Variants in CPLX1 observed in about 807,000 individuals in gnomAD.
CPLX1 encodes the protein complexin-1.
CPLX1 carries 6 observed loss-of-function variants against 15.6 expected under a neutral mutation model. That is an observed-to-expected ratio of 0.39 (90% CI 0.21 to 0.76). The LOEUF (loss-of-function observed/expected upper bound fraction) is 0.76. Among genes scored for constraint, CPLX1 ranks in the 30% least tolerant of loss-of-function variants. The pLI is 0.43. For synonymous variants in CPLX1, 91 were observed against 75.2 expected, an observed-to-expected ratio of 1.21 and a Z score of -1.08; for missense variants, 242 against 188.6, an observed-to-expected ratio of 1.28 and a Z score of -1.66.
chr4:805,436 T>C (rs1746539883), intron 2 of CPLX1, among the ~76,000 whole-genome samples: 1 of 152,098 alleles, frequency 6.6e-6, no homozygotes, highest in Non-Finnish European at 1.5e-5. Flanking sequence ...ACGGCTGTTA[T>C]CAAAAACCAG....
At chr4:814,237 G>A (rs1406801762) in intron 2 of CPLX1, among the ~76,000 whole-genome samples, 1 of 151,522 alleles carries the variant, frequency 6.6e-6, no homozygotes, top group Non-Finnish European at 1.5e-5. Context: ...TTTTTAAGAC[G>A]GAGTCTCGCT....
Position 786,375 on chromosome 4 carries a change from GGGC to G in CPLX1, c.*123_*125del. ...GTGAGGGAGGCGGCGGGCGCGGGCA[GGGC>G]GGGCCTGGGGCTATGGCTTATATCG... On this transcript the variant is annotated 3_prime_UTR_variant, in exon 4 of 4. Coordinates refer to ENST00000304062, the MANE Select transcript of CPLX1 (RefSeq NM_006651.4). 9.2e-7 allele frequency: 1 copy of G among 1,092,390 alleles called. No homozygotes were observed. Among genetic ancestry groups the G allele is most frequent in the Non-Finnish European group, 1.2e-6 (1 of 817,064 alleles). The allele number at this position is 1,092,390 out of a possible 1,614,324, so 67.7% of individuals were successfully genotyped here. A position where few individuals can be genotyped will look rare whatever the true frequency, so the allele number is the denominator to read the frequency against.
At chr4:801,784 C>T (rs1329581944) in intron 2 of CPLX1, among the ~76,000 whole-genome samples, 1 of 152,222 alleles carries the variant, frequency 6.6e-6, no homozygotes, top group African/African-American at 2.4e-5. Flanking sequence ...AAAAGACACA[C>T]GTGGCTGTTA....
chr4:800,183 A>G (rs1746423409), intron 2 of CPLX1, among the ~76,000 whole-genome samples: 1 of 152,158 alleles, frequency 6.6e-6, no homozygotes. Flanking sequence ...ACCTTCATAC[A>G]TTTGGTCACA....
intron 2 of CPLX1, among the ~76,000 whole-genome samples, chr4:818,397 T>C (rs1476879298): frequency 6.6e-6 from 1 of 152,226 alleles, no homozygotes; most frequent in African/African-American, 2.4e-5. Context: ...GAGGCTGACA[T>C]GGTGGCCTCA....
chr4:809,159 C>G (rs535608710), intron 2 of CPLX1, among the ~76,000 whole-genome samples: 1 of 152,240 alleles, frequency 6.6e-6, no homozygotes, highest in Admixed American at 6.5e-5. Flanking sequence ...TATTCAAACA[C>G]GATTATGCTC....
Position 792,426 on chromosome 4 carries a change from C to G in CPLX1, c.207+7G>C, listed in dbSNP as rs751692728. The G allele has an allele frequency of 1.9e-6, 3 of 1,539,980 alleles. No homozygotes were observed. The highest frequency in any genetic ancestry group is 1.7e-6 in the Non-Finnish European group (2 of 1,145,144). On this transcript the variant is annotated splice_region_variant and intron_variant, in intron 3 of 3. Transcript: ENST00000304062. Reference sequence around the variant, plus strand: ...CTTCCCGCAGGCGGGGCCGGCCCGGCGCGCACCTTGTCTCGGATGCCCTGG... The same window carrying G: ...CTTCCCGCAGGCGGGGCCGGCCCGGGGCGCACCTTGTCTCGGATGCCCTGG...
At chr4:815,010 A>C (rs1298154975) in intron 2 of CPLX1, among the ~76,000 whole-genome samples, 3 of 152,256 alleles carry the variant, frequency 2.0e-5, no homozygotes, top group Non-Finnish European at 2.9e-5. Flanking sequence ...AACACAGAGA[A>C]CAGAGGAAAA....
rs1303831829 is a variant in CPLX1 at position 792,473 on chromosome 4, T to A, written c.167A>T (p.Glu56Val). 1 of 1,610,774 alleles carries A rather than the reference T, an allele frequency of 6.2e-7. No individual in the cohort carries two copies. The highest frequency in any genetic ancestry group is 1.1e-5 in the South Asian group (1 of 90,952). Residue 56 changes from glutamate (E) to valine (V), a missense_variant, in exon 3 of 4, where the codon GAG becomes GTG. Glu to Val is a moderately radical substitution (Grantham distance 121). Transcript: ENST00000304062. The stretch of plus-strand genomic sequence containing the variant: ...CTGGCGCACGGCCTCGCGCTCCGCC[T>A]CCATCTTGGCGTACTTGGCCTTGCG... ...EERKAKYAKM[E>V]AEREAVRQGI...
At position 809,596 on chromosome 4, in the gene CPLX1, G is replaced by A. The variant is rs868491405; in HGVS notation, c.31+14896C>T. ...CTTCATGACCATCACAAAGGTAGGC[G>A]TCCTCCGTAACTCTCAGAACCCAAC... On this transcript the variant is annotated intron_variant, in intron 2 of 3. Coordinates refer to ENST00000304062, the MANE Select transcript of CPLX1 (RefSeq NM_006651.4). 3.8e-4 allele frequency among the ~76,000 whole-genome samples: 58 copies of A among 152,346 alleles called. No individual in the cohort carries two copies. The Middle Eastern group carries it at 0.014, about 36-fold the overall frequency.
At chr4:824,245 G>A (rs1411654147) in intron 2 of CPLX1, among the ~76,000 whole-genome samples, 1 of 152,372 alleles carries the variant, frequency 6.6e-6, no homozygotes, top group Admixed American at 6.5e-5. Flanking sequence ...GTGGGGCAGA[G>A]TGAGCTTACA....
intron 2 of CPLX1, among the ~76,000 whole-genome samples, chr4:822,926 G>GC (rs1189358873): frequency 4.6e-5 from 7 of 152,250 alleles, no homozygotes; most frequent in East Asian, 1.9e-4. Context: ...TCAGCGTGGA[G>GC]CCCCCCCAGG....
intron 3 of CPLX1, among the ~76,000 whole-genome samples, chr4:791,770 C>G (rs898597507): frequency 6.6e-6 from 1 of 151,624 alleles, no homozygotes; most frequent in African/African-American, 2.4e-5. Context: ...CCAGGCAGCA[C>G]CCCAGGCCCC....
intron 3 of CPLX1, chr4:787,956 G>A (rs964558212): frequency 4.3e-5 from 42 of 985,288 alleles, no homozygotes; most frequent in Non-Finnish European, 4.7e-5. Context: ...CAGGACCCCC[G>A]GGCCAGGTCC....
rs1308754525 is a variant in CPLX1, at chr4:786,182, A to C, written c.*319T>G. 11 of 195,328 alleles carry C rather than the reference A, an allele frequency of 5.6e-5. No individual in the cohort carries two copies. Among genetic ancestry groups the C allele is most frequent in the South Asian group, 1.7e-4 (1 of 5,822 alleles). 12.1% of individuals were successfully genotyped at this position (195,328 alleles called of 1,614,324 possible). A position where few individuals can be genotyped will look rare whatever the true frequency, so the allele number is the denominator to read the frequency against. The stretch of plus-strand genomic sequence containing the variant: ...CGCCCACCGCCGCGAACGCGCGCAC[A>C]GGGGTGGTCGCGGGGCTGCCCTTCG... On this transcript the variant is annotated 3_prime_UTR_variant, in exon 4 of 4. Transcript: ENST00000304062.
At chr4:791,069 C>T (rs1560236866) in intron 3 of CPLX1, among the ~76,000 whole-genome samples, 1 of 151,964 alleles carries the variant, frequency 6.6e-6, no homozygotes, top group Admixed American at 6.6e-5. Flanking sequence ...CCGTCTCCCG[C>T]TCCTGATACC....
At chr4:804,631 G>T (rs1746519727) in intron 2 of CPLX1, 2 of 593,352 alleles carry the variant, frequency 3.4e-6, no homozygotes, top group Non-Finnish European at 4.2e-6. Flanking sequence ...AATCCGGATC[G>T]CACCTTCAGC....
At chr4:796,179 A>G (rs1746334612) in intron 2 of CPLX1, among the ~76,000 whole-genome samples, 2 of 152,230 alleles carry the variant, frequency 1.3e-5, no homozygotes, top group Non-Finnish European at 2.9e-5. Context: ...TACTACATCC[A>G]TTAAAGTTGA....
rs368204387 is a variant in CPLX1, at chr4:808,130, A to G, written c.32-15522T>C. On this transcript the variant is annotated intron_variant, in intron 2 of 3. Transcript: ENST00000304062. ...AAAAATTATGAAAAATTCGCCAGGC[A>G]TAGTGGCACACACCTGTTGTCTCAG... Among the ~76,000 whole-genome samples, 39 of 152,308 alleles carry G rather than the reference A, an allele frequency of 2.6e-4. No individual in the cohort carries two copies. The East Asian group carries it at 4.8e-3, about 19-fold the overall frequency.
Sources: gnomAD v4.1 joint callset for allele counts (sites outside exome capture counted in the v4.1 genomes callset) on GRCh38, gnomAD v4.1.1 for gene constraint, MANE v1.5 for transcripts, NCBI Gene and HGNC (gene_info 2026-07-23, HGNC 2026-07-21) for gene names.